The following TBC1D5 variants were observed in gnomAD, a reference collection of about 807,000 sequenced individuals.
The protein encoded by TBC1D5 is TBC1 domain family member 5.
In TBC1D5, 75 loss-of-function variants were observed where a neutral mutation model predicts 100.3. The observed-to-expected ratio is 0.75, with a 90% CI of 0.62 to 0.91. The LOEUF (loss-of-function observed/expected upper bound fraction) is 0.91, where lower values mean the gene tolerates loss of function less well. Among genes scored for constraint, TBC1D5 ranks in the 40% least tolerant of loss-of-function variants. The probability of loss-of-function intolerance (pLI) is 0.00; values close to 1 mark genes in which losing one functional copy is unlikely to be tolerated. For synonymous variants in TBC1D5, 323 were observed against 325.6 expected (o/e 0.99, Z 0.09); for missense variants, 910 against 942.4 (o/e 0.97, Z 0.45).
intron 3 of TBC1D5, among the ~76,000 whole-genome samples, chr3:17,504,057 A>G (rs1267567768): frequency 6.7e-6 from 1 of 148,218 alleles, no homozygotes; most frequent in Admixed American, 6.6e-5. Flanking sequence ...CTAAAAGGAG[A>G]AAAATTCAAG....
chr3:17,227,872 GA>G (rs926594344), intron 17 of TBC1D5, among the ~76,000 whole-genome samples: 2 of 137,824 alleles, frequency 1.5e-5, no homozygotes, highest in African/African-American at 5.5e-5. Context: ...TTTTTTTTAA[GA>G]AAAAAACTAA....
Position 17,413,210 on chromosome 3 carries a change from T to A in TBC1D5, c.168-6684A>T, listed in dbSNP as rs530479792. On this transcript the variant is annotated intron_variant, in intron 4 of 21. Coordinates refer to ENST00000253692, the Ensembl canonical transcript of TBC1D5. ...AGGGAAAGGTGAAGATGAGTAGGTT[T>A]CATTTCTCAGGCCAATGTTAATAGA... Among the ~76,000 whole-genome samples, 10 of 152,312 alleles carry A rather than the reference T, an allele frequency of 6.6e-5. No individual in the cohort carries two copies. The South Asian group carries it at 2.1e-3, about 32-fold the overall frequency.
At chr3:17,467,878 C>G (rs1401254348) in intron 3 of TBC1D5, among the ~76,000 whole-genome samples, 1 of 152,098 alleles carries the variant, frequency 6.6e-6, no homozygotes, top group Non-Finnish European at 1.5e-5. Context: ...GTCTAGGAAA[C>G]GGGAGTTCCC....
chr3:17,677,356 C>T (rs2068778156), intron 1 of TBC1D5, among the ~76,000 whole-genome samples: 1 of 152,182 alleles, frequency 6.6e-6, no homozygotes, highest in Non-Finnish European at 1.5e-5. Flanking sequence ...AAAGACATTT[C>T]TCAAAAGAAG....
At chr3:17,515,458 A>C (rs73153090) in intron 2 of TBC1D5, among the ~76,000 whole-genome samples, 8,923 of 152,278 alleles carry the variant, frequency 0.059, 626 homozygotes, top group East Asian at 0.32. Flanking sequence ...TTAAACCACT[A>C]TACATATTAA....
rs1250263242 is a variant in TBC1D5, at chr3:17,470,284, G to A, written c.97+38190C>T. On this transcript the variant is annotated intron_variant, in intron 3 of 21. Coordinates refer to ENST00000253692, the Ensembl canonical transcript of TBC1D5. ...CAGGCAGGAAATCTTCCTAAAATAG[G>A]TACATTGGGTAATGGTAACTATTTC... Among the ~76,000 whole-genome samples the A allele has an allele frequency of 2.6e-5, 4 of 152,070 alleles. No individual in the cohort carries two copies. In the East Asian group the frequency reaches 7.7e-4, roughly 29 times the overall value.
chr3:17,331,517 A>C (rs1041153995), intron 13 of TBC1D5, among the ~76,000 whole-genome samples: 4 of 152,186 alleles, frequency 2.6e-5, no homozygotes, highest in Non-Finnish European at 5.9e-5. Context: ...TGTTTGCATG[A>C]GATAACTTTT....
chr3:17,206,550 CA>C (rs1264926845), intron 18 of TBC1D5, among the ~76,000 whole-genome samples: 4 of 152,106 alleles, frequency 2.6e-5, no homozygotes, highest in Admixed American at 6.5e-5. Flanking sequence ...ATTACAAAAA[CA>C]AATTATATTT....
At chr3:17,668,126 AATAT>A (rs1176476187) in intron 1 of TBC1D5, among the ~76,000 whole-genome samples, 1 of 148,612 alleles carries the variant, frequency 6.7e-6, no homozygotes, top group Non-Finnish European at 1.5e-5. Context: ...TTCACTTAAA[AATAT>A]ATATAAAGGC....
chr3:17,724,227 G>C (rs1490770986), intron 1 of TBC1D5, among the ~76,000 whole-genome samples: 2 of 151,584 alleles, frequency 1.3e-5, no homozygotes, highest in African/African-American at 4.8e-5. Flanking sequence ...GTCTCAGCAG[G>C]GACCACCAGC....
At chr3:17,649,289 G>C (rs897515082) in intron 1 of TBC1D5, among the ~76,000 whole-genome samples, 1 of 152,024 alleles carries the variant, frequency 6.6e-6, no homozygotes, top group African/African-American at 2.4e-5. Flanking sequence ...TGAACACAAA[G>C]AAGGAAATAA....
chr3:17,528,535 T>C (rs190393420), intron 2 of TBC1D5, among the ~76,000 whole-genome samples: 2 of 152,258 alleles, frequency 1.3e-5, no homozygotes, highest in Admixed American at 1.3e-4. Flanking sequence ...AATTATCCAG[T>C]CTCTGGTATT....
At chr3:17,580,619 G>A (rs1039435592) in intron 2 of TBC1D5, among the ~76,000 whole-genome samples, 1 of 151,958 alleles carries the variant, frequency 6.6e-6, no homozygotes, top group Non-Finnish European at 1.5e-5. Flanking sequence ...CTCTATTGGA[G>A]CACTCCCATT....
chr3:17,309,624 T>C (rs940849782), intron 13 of TBC1D5, among the ~76,000 whole-genome samples: 16 of 152,070 alleles, frequency 1.1e-4, no homozygotes, highest in African/African-American at 3.9e-4. Flanking sequence ...ATGGCTGTGT[T>C]TACATGGCTT....
intron 4 of TBC1D5, among the ~76,000 whole-genome samples, chr3:17,421,691 C>T (rs529495655): frequency 4.6e-5 from 7 of 152,264 alleles, no homozygotes; most frequent in South Asian, 2.1e-4. Flanking sequence ...ATGCTCTCTA[C>T]AACTCAATAA....
At chr3:17,343,224 T>A (rs1438453853) in intron 13 of TBC1D5, among the ~76,000 whole-genome samples, 69 of 152,178 alleles carry the variant, frequency 4.5e-4, no homozygotes, top group African/African-American at 1.6e-3. Context: ...ATTGAGATAA[T>A]CATGTGGTTT....
intron 1 of TBC1D5, among the ~76,000 whole-genome samples, chr3:17,733,786 G>A (rs2076751200): frequency 6.6e-6 from 1 of 151,988 alleles, no homozygotes; most frequent in Non-Finnish European, 1.5e-5. Flanking sequence ...AAAAATGGCT[G>A]GCTCCAGATG....
intron 3 of TBC1D5, among the ~76,000 whole-genome samples, chr3:17,471,820 AAAC>A (rs2095378651): frequency 6.6e-6 from 1 of 152,214 alleles, no homozygotes; most frequent in Non-Finnish European, 1.5e-5. Flanking sequence ...CAAAAATTAA[AAAC>A]AAGAAAGAAA....
chr3:17,412,129 T>C (rs2093943616), intron 4 of TBC1D5, among the ~76,000 whole-genome samples: 1 of 152,128 alleles, frequency 6.6e-6, no homozygotes, highest in African/African-American at 2.4e-5. Flanking sequence ...AATAAAATGA[T>C]TACTGCAAAG....
Sources: allele counts gnomAD v4.1 joint callset (sites outside exome capture counted in the v4.1 genomes callset), GRCh38; gene constraint gnomAD v4.1.1; transcripts MANE v1.5; gene names NCBI Gene and HGNC (gene_info 2026-07-23, HGNC 2026-07-21).